The following STAT4 variants were observed in gnomAD, a reference collection of about 807,000 sequenced individuals.
STAT4 encodes the protein signal transducer and activator of transcription 4.
Under a neutral mutation model 110.5 loss-of-function variants are expected in STAT4, and 42 were observed. The ratio of observed to expected loss-of-function variants is 0.38; its 90% CI spans 0.30 to 0.49. The LOEUF (loss-of-function observed/expected upper bound fraction) is 0.49, where lower values mean the gene tolerates loss of function less well. Among genes scored for constraint, STAT4 ranks in the 20% least tolerant of loss-of-function variants. The pLI is 0.95. For missense variants in STAT4, 632 were observed against 887.9 expected, an observed-to-expected ratio of 0.71 and a Z score of 3.66; for synonymous variants, 284 against 302.2, an observed-to-expected ratio of 0.94 and a Z score of 0.63.
chr2:191,135,545 C>T lies in STAT4; in HGVS notation c.273+11068G>A, dbSNP rs1184469719. 1.3e-5 allele frequency among the ~76,000 whole-genome samples: 2 copies of T among 152,202 alleles called. No homozygotes were observed. Among genetic ancestry groups the T allele is most frequent in the African/African-American group, 4.8e-5 (2 of 41,456 alleles). On this transcript the variant is annotated intron_variant, in intron 3 of 23. Coordinates refer to ENST00000392320, the MANE Select transcript of STAT4 (RefSeq NM_003151.4). The surrounding 1 kb of genome is among the most constrained non-coding windows in gnomAD (Gnocchi z 4.8). ...CTGGAGTGCAGTGGCGTGATCTCAG[C>T]TCACTGCAACCTCCGCCTCCCAGGC... is the stretch of plus-strand genomic sequence containing the variant.
chr2:191,072,517 A>T (rs988408997), intron 5 of STAT4, among the ~76,000 whole-genome samples: 3 of 152,200 alleles, frequency 2.0e-5, no homozygotes, highest in Non-Finnish European at 4.4e-5. Context: ...GTTGATCTTT[A>T]AATATTTATA....
intron 14 of STAT4, among the ~76,000 whole-genome samples, chr2:191,047,470 A>G (rs1559042942): frequency 6.6e-6 from 1 of 152,126 alleles, no homozygotes. Flanking sequence ...CCTGTGGGTT[A>G]AGGTAAAGAG....
chr2:191,049,699 T>C (rs1272555980), intron 14 of STAT4, among the ~76,000 whole-genome samples: 1 of 152,136 alleles, frequency 6.6e-6, no homozygotes, highest in Admixed American at 6.5e-5. Flanking sequence ...GTGGGTTAGA[T>C]CCTGGGAAAC....
chr2:191,151,005 C>T, upstream of STAT4: 1 of 985,714 alleles, frequency 1.0e-6, no homozygotes, highest in Non-Finnish European at 1.2e-6. This position sits in a 1 kb window ranked among gnomAD's most constrained non-coding sequence, Gnocchi z 4.7. Context: ...AGAAGCGCCC[C>T]TCACAGTCCC....
Position 191,031,067 on chromosome 2 carries a change from T to C in STAT4, c.2125A>G (p.Thr709Ala), listed in dbSNP as rs770874469. The C allele has an allele frequency of 6.2e-7, 1 of 1,613,980 alleles. No individual in the cohort carries two copies. Among genetic ancestry groups the C allele is most frequent in the Admixed American group, 1.7e-5 (1 of 60,022 alleles). Residue 709 changes from threonine to alanine, a missense_variant, in exon 23 of 24, where the codon ACA becomes GCA. Thr to Ala is a moderately conservative substitution (Grantham distance 58). Around this residue, in one of 4 missense-constraint regions of STAT4, gnomAD observed 32 missense variants for 67.6 expected, o/e 0.47. Transcript: ENST00000392320. The surrounding 1 kb of genome is among the most constrained non-coding windows in gnomAD (Gnocchi z 4.8). ...IPISTIRSDS[T>A]EPHSPSDLLP... ...AGGTCTGATGGAGAATGTGGCTCTG[T>C]TGAATCACTTCGGCTTAAAGAGATA... is the stretch of plus-strand genomic sequence containing the variant.
In STAT4 at chr2:191,146,772, G is replaced by A. The variant is rs561897617; in HGVS notation, c.129-15C>T. The A allele has an allele frequency of 1.3e-6, 2 of 1,521,722 alleles. No individual in the cohort carries two copies. The highest frequency in any genetic ancestry group is 1.8e-6 in the Non-Finnish European group (2 of 1,137,924). 94.3% of individuals were successfully genotyped at this position (1,521,722 alleles called of 1,614,324 possible). A position where few individuals can be genotyped will look rare whatever the true frequency, so the allele number is the denominator to read the frequency against. ...AAGCTGCCTCCCTAAAAAAAAAAAGGATTATTACACAACAGAAAACAACTT... is the reference window on the plus strand; with the variant it reads ...AAGCTGCCTCCCTAAAAAAAAAAAGAATTATTACACAACAGAAAACAACTT... On this transcript the variant is annotated splice_polypyrimidine_tract_variant and intron_variant, in intron 2 of 23. Coordinates refer to ENST00000392320, the MANE Select transcript of STAT4 (RefSeq NM_003151.4). The surrounding 1 kb of genome is among the most constrained non-coding windows in gnomAD (Gnocchi z 4.5).
At chr2:191,092,764 G>A (rs978663535) in intron 3 of STAT4, among the ~76,000 whole-genome samples, 5 of 152,210 alleles carry the variant, frequency 3.3e-5, no homozygotes, top group African/African-American at 1.2e-4. Context: ...CAGGAAGTGC[G>A]AAGGGTCGGG....
Position 191,039,066 on chromosome 2 carries a change from C to T in STAT4, c.1434+133G>A. ...ATATGACATGAGAGGAAACATACAACTAGAAATACTACAAATAAAGCAACT... is the reference window on the plus strand; with the variant it reads ...ATATGACATGAGAGGAAACATACAATTAGAAATACTACAAATAAAGCAACT... On this transcript the variant is annotated intron_variant, in intron 16 of 23. Transcript: ENST00000392320. This position sits in a 1 kb window ranked among gnomAD's most constrained non-coding sequence, Gnocchi z 4.7. 1.4e-6 allele frequency: 1 copy of T among 730,266 alleles called. No homozygotes were observed. Among genetic ancestry groups the T allele is most frequent in the Non-Finnish European group, 2.4e-6 (1 of 414,532 alleles). The allele number at this position is 730,266 out of a possible 1,614,324, so 45.2% of individuals were successfully genotyped here.
At chr2:191,096,845 T>C (rs1426233718) in intron 3 of STAT4, among the ~76,000 whole-genome samples, 1 of 152,202 alleles carries the variant, frequency 6.6e-6, no homozygotes, top group Non-Finnish European at 1.5e-5. Context: ...TGTTTGCAGA[T>C]AACATGATTG....
At chr2:191,132,475 A>G (rs959314247) in intron 3 of STAT4, among the ~76,000 whole-genome samples, 10 of 151,808 alleles carry the variant, frequency 6.6e-5, no homozygotes, top group African/African-American at 2.2e-4. Flanking sequence ...AAAATTTGAA[A>G]CCTCAGGAAT....
chr2:191,044,999 C>T (rs952915971), intron 14 of STAT4, among the ~76,000 whole-genome samples: 18 of 151,922 alleles, frequency 1.2e-4, no homozygotes, highest in African/African-American at 4.1e-4. Context: ...AGGTAAACAT[C>T]GAATACATTG....
At position 191,034,614 on chromosome 2, in the gene STAT4, G is replaced by C; in HGVS notation, c.1571-17C>G. ...TAGATTGGACTGAAATGAAAGAAAA[G>C]AATGAAATTTTTCACTGGACAATGA... On this transcript the variant is annotated splice_polypyrimidine_tract_variant and intron_variant, in intron 17 of 23. Coordinates refer to ENST00000392320, the MANE Select transcript of STAT4 (RefSeq NM_003151.4). 1 of 1,606,114 alleles carries C rather than the reference G, an allele frequency of 6.2e-7. No individual in the cohort carries two copies. The highest frequency in any genetic ancestry group is 8.5e-7 in the Non-Finnish European group (1 of 1,172,990).
chr2:191,049,537 A>G (rs1207174971), intron 14 of STAT4, among the ~76,000 whole-genome samples: 2 of 152,182 alleles, frequency 1.3e-5, no homozygotes, highest in Non-Finnish European at 2.9e-5. Flanking sequence ...TGACTGGGAT[A>G]TAGGGTGATT....
At chr2:191,132,940 G>C (rs1699082934) in intron 3 of STAT4, among the ~76,000 whole-genome samples, 1 of 151,204 alleles carries the variant, frequency 6.6e-6, no homozygotes, top group Non-Finnish European at 1.5e-5. Context: ...ATTTTTAGTA[G>C]AGACGGGGTT....
intron 3 of STAT4, among the ~76,000 whole-genome samples, chr2:191,093,374 TTGTTCTGCAATATTTGC>T (rs367560345): frequency 0.023 from 3,543 of 152,206 alleles, 82 homozygotes; most frequent in Non-Finnish European, 0.029. Flanking sequence ...GCAATATTTG[TTGTTCTGCAATATTTGC>T]TGTTCTGCAA....
Position 191,060,422 on chromosome 2 carries a change from C to A in STAT4, c.1034+1307G>T, listed in dbSNP as rs1696816655. Among the ~76,000 whole-genome samples the A allele has an allele frequency of 6.6e-6, 1 of 152,070 alleles. No individual in the cohort carries two copies. Among genetic ancestry groups the A allele is most frequent in the South Asian group, 2.1e-4 (1 of 4,822 alleles). On this transcript the variant is annotated intron_variant, in intron 10 of 23. Transcript: ENST00000392320. The surrounding 1 kb of genome is among the most constrained non-coding windows in gnomAD (Gnocchi z 4.5). Reference sequence around the variant, plus strand: ...TTATTTTTTATTTTACTTTATTATTCTGTTTTATTTTTTGAGATGGAGTCT... The same window carrying A: ...TTATTTTTTATTTTACTTTATTATTATGTTTTATTTTTTGAGATGGAGTCT...
intron 3 of STAT4, among the ~76,000 whole-genome samples, chr2:191,108,683 G>A (rs1407851252): frequency 6.6e-6 from 1 of 152,182 alleles, no homozygotes; most frequent in Non-Finnish European, 1.5e-5. Context: ...CAGCAAAACG[G>A]TGATGAATAG....
At chr2:191,119,367 A>G (rs1195247399) in intron 3 of STAT4, among the ~76,000 whole-genome samples, 2 of 152,228 alleles carry the variant, frequency 1.3e-5, no homozygotes, top group Admixed American at 6.5e-5. Context: ...AATTTAAAGT[A>G]CATGTGAGGC....
Position 191,062,968 on chromosome 2 carries a change from T to G in STAT4, c.783-48A>C. ...CAAAGATAGTTTTTCCACTTAATAA[T>G]AAAAAAGCATTGTAACAATGGGTCA... is the stretch of plus-strand genomic sequence containing the variant. On this transcript the variant is annotated intron_variant, in intron 8 of 23. Coordinates refer to ENST00000392320, the MANE Select transcript of STAT4 (RefSeq NM_003151.4). The surrounding 1 kb of genome is among the most constrained non-coding windows in gnomAD (Gnocchi z 4.9). 4 of 1,547,110 alleles carry G rather than the reference T, an allele frequency of 2.6e-6. No individual in the cohort carries two copies. Among genetic ancestry groups the G allele is most frequent in the Non-Finnish European group, 3.5e-6 (4 of 1,140,866 alleles).
Sources: gnomAD v4.1 joint callset for allele counts (sites outside exome capture counted in the v4.1 genomes callset) on GRCh38, gnomAD v4.1.1 for gene constraint, gnomAD v4.1.1 regional missense constraint, Gnocchi (gnomAD v3.1) non-coding constraint, MANE v1.5 for transcripts, NCBI Gene and HGNC (gene_info 2026-07-23, HGNC 2026-07-21) for gene names.